Variants in RTL9 observed in about 807,000 individuals in gnomAD.
RTL9 encodes the protein retrotransposon Gag like 9.
In RTL9, 19 loss-of-function variants were observed where a neutral mutation model predicts 44.7. That is an observed-to-expected ratio of 0.42 (90% CI 0.30 to 0.62). The LOEUF is 0.62. Ranked by LOEUF, RTL9 falls within the 20% of genes least tolerant of loss-of-function variation. The pLI is 0.16. For missense variants in RTL9, 1,105 were observed against 1,080.6 expected, an observed-to-expected ratio of 1.02 and a Z score of -0.32; for synonymous variants, 407 against 398.9, an observed-to-expected ratio of 1.02 and a Z score of -0.24.
intron 1 of RTL9, among the ~76,000 whole-genome samples, chrX:110,423,336 AAAAAAG>A (rs940957310): frequency 9.0e-5 from 10 of 110,891 alleles, no homozygotes; most frequent in East Asian, 5.6e-4. Context: ...CTCAAAAAAA[AAAAAAG>A]AAAAAGAAAA....
At chrX:110,359,664 TGA>T (rs1160165066) in intron 1 of RTL9, among the ~76,000 whole-genome samples, 2 of 111,949 alleles carry the variant, frequency 1.8e-5, no homozygotes, top group African/African-American at 6.5e-5. Context: ...AAAAATATAC[TGA>T]GTGTCTTACT....
chrX:110,367,384 T>A (rs2068304247), intron 1 of RTL9, among the ~76,000 whole-genome samples: 1 of 112,009 alleles, frequency 8.9e-6, no homozygotes, highest in South Asian at 3.7e-4. Flanking sequence ...ACCAAAATGA[T>A]TCATATCAAG....
intron 1 of RTL9, among the ~76,000 whole-genome samples, chrX:110,386,309 T>C (rs1258949780): frequency 9.1e-6 from 1 of 110,404 alleles, no homozygotes; most frequent in Non-Finnish European, 1.9e-5. Flanking sequence ...TTTTATTTTA[T>C]TTTTATTTTA....
intron 1 of RTL9, among the ~76,000 whole-genome samples, chrX:110,386,724 C>A (rs1360021489): frequency 9.0e-6 from 1 of 111,660 alleles, no homozygotes; most frequent in Admixed American, 9.5e-5. Flanking sequence ...AGAATGAGAT[C>A]TAAAATCACC....
chrX:110,397,584 G>T (rs2068536101), intron 1 of RTL9, among the ~76,000 whole-genome samples: 1 of 110,968 alleles, frequency 9.0e-6, no homozygotes, highest in African/African-American at 3.3e-5. Flanking sequence ...AGCAGTGCCA[G>T]AGCCACAAAG....
At chrX:110,417,333 T>A (rs1346750917), upstream of RTL9, among the ~76,000 whole-genome samples, 1 of 112,134 alleles carries the variant, frequency 8.9e-6, no homozygotes. Flanking sequence ...GGTTTTCAAT[T>A]CAATTCAACA....
chrX:110,437,945 G>A (rs2148338061), intron 1 of RTL9, among the ~76,000 whole-genome samples: 1 of 111,760 alleles, frequency 8.9e-6, no homozygotes, highest in South Asian at 3.8e-4. Flanking sequence ...TAGTACATGA[G>A]ATTATTCCTC....
In RTL9 at chrX:110,384,377, T is replaced by C. The variant is rs540044700; in HGVS notation, c.-168+25461T>C. Among the ~76,000 whole-genome samples the C allele has an allele frequency of 8.1e-5, 9 of 111,388 alleles. No homozygotes were observed. In the East Asian group the frequency reaches 2.5e-3, roughly 31 times the overall value. ...TCAATCTTCCTGAGCCTCAGTTTCCTCATCTATAAAATGAGGATGATAATA... is the reference window on the plus strand; with the variant it reads ...TCAATCTTCCTGAGCCTCAGTTTCCCCATCTATAAAATGAGGATGATAATA... On this transcript the variant is annotated intron_variant, in intron 1 of 2. Coordinates refer to the RTL9 transcript ENST00000520821.
intron 1 of RTL9, among the ~76,000 whole-genome samples, chrX:110,404,889 G>T (rs777526938): frequency 7.2e-5 from 8 of 111,532 alleles, no homozygotes; most frequent in Non-Finnish European, 9.4e-5. Flanking sequence ...TTAATAACCA[G>T]GAAACAAGAA....
chrX:110,382,830 G>T (rs1041415241), intron 1 of RTL9, among the ~76,000 whole-genome samples: 3 of 111,911 alleles, frequency 2.7e-5, no homozygotes, highest in African/African-American at 9.8e-5. Context: ...TTCTCAGCTG[G>T]ACCAGGCTTC....
chrX:110,396,367 C>T (rs2068528318), intron 1 of RTL9, among the ~76,000 whole-genome samples: 1 of 111,870 alleles, frequency 8.9e-6, no homozygotes, highest in Non-Finnish European at 1.9e-5. Flanking sequence ...CCCTCTTATG[C>T]TTTACCCCAC....
chrX:110,395,977 C>A (rs1238753355), intron 1 of RTL9, among the ~76,000 whole-genome samples: 1 of 111,661 alleles, frequency 9.0e-6, no homozygotes, highest in Non-Finnish European at 1.9e-5. Context: ...CCCTTTCAAG[C>A]AGAAAAGTAC....
intron 1 of RTL9, among the ~76,000 whole-genome samples, chrX:110,424,649 G>A (rs976610920): frequency 1.8e-5 from 2 of 112,033 alleles, no homozygotes; most frequent in African/African-American, 6.5e-5. Context: ...GCTATGGGAC[G>A]AATACACTTG....
At chrX:110,377,027 G>T (rs2148269447) in intron 1 of RTL9, among the ~76,000 whole-genome samples, 1 of 111,799 alleles carries the variant, frequency 8.9e-6, no homozygotes, top group Admixed American at 9.4e-5. Context: ...CTGCAGTAGT[G>T]GTAGGCAGTG....
chrX:110,432,426 G>A (rs1007205493), intron 1 of RTL9, among the ~76,000 whole-genome samples: 1 of 112,171 alleles, frequency 8.9e-6, no homozygotes, highest in Non-Finnish European at 1.9e-5. Context: ...TGGTAGTGGT[G>A]GGGAGGGTTG....
rs138703373 is a variant in RTL9 at position 110,436,564 on chromosome X, T to C, written c.-167-8589T>C. 3.2e-4 allele frequency among the ~76,000 whole-genome samples: 36 copies of C among 112,166 alleles called. 1 individual carries two copies. In the East Asian group the frequency reaches 0.01, roughly 31 times the overall value. ...AACTAGGGATGCTTCCCACTCCTCT[T>C]TCTTGCTGAGCAGAGAAGCAAGGGG... On this transcript the variant is annotated intron_variant, in intron 1 of 3. Transcript: ENST00000465301.
chrX:110,386,725 T>TA (rs761779413), intron 1 of RTL9, among the ~76,000 whole-genome samples: 138 of 112,165 alleles, frequency 1.2e-3, no homozygotes, highest in African/African-American at 4.3e-3. Flanking sequence ...GAATGAGATC[T>TA]AAAATCACCT....
chrX:110,418,390 AAAC>A (rs1439658463), upstream of RTL9, among the ~76,000 whole-genome samples: 1 of 112,324 alleles, frequency 8.9e-6, no homozygotes, highest in Non-Finnish European at 1.9e-5. Flanking sequence ...ATACAAAAGA[AAAC>A]AACTCAATTC....
At chrX:110,429,569 G>C (rs1056552672) in intron 1 of RTL9, among the ~76,000 whole-genome samples, 5 of 105,497 alleles carry the variant, frequency 4.7e-5, no homozygotes, top group African/African-American at 1.8e-4. Context: ...TGCAACCTCC[G>C]CCTCCTGGGT....
Sources: gnomAD v4.1 joint callset for allele counts (sites outside exome capture counted in the v4.1 genomes callset) on GRCh38, gnomAD v4.1.1 for gene constraint, MANE v1.5 for transcripts, NCBI Gene and HGNC (gene_info 2026-07-23, HGNC 2026-07-21) for gene names.